Variants in ZNF804B observed in about 807,000 individuals in gnomAD.
ZNF804B encodes the protein zinc finger protein 804B.
A neutral mutation model predicts 101.4 loss-of-function variants in ZNF804B; 80 were observed. The observed-to-expected ratio is 0.79, with a 90% CI of 0.66 to 0.95. ZNF804B has a LOEUF of 0.95. Among genes scored for constraint, ZNF804B ranks in the 40% least tolerant of loss-of-function variants. The pLI is 0.00. For synonymous variants in ZNF804B, 622 were observed against 558.8 expected, an observed-to-expected ratio of 1.11 and a Z score of -1.59; for missense variants, 1,673 against 1,561.9, an observed-to-expected ratio of 1.07 and a Z score of -1.20.
At chr7:88,998,867 G>T (rs1788241032) in intron 1 of ZNF804B, among the ~76,000 whole-genome samples, 1 of 151,976 alleles carries the variant, frequency 6.6e-6, no homozygotes, top group Admixed American at 6.6e-5. Context: ...CATTAACTCT[G>T]CCAGCTGAAA....
In ZNF804B at chr7:89,331,527, G is replaced by C. The variant is rs1360780757; in HGVS notation, c.381-1836G>C. On this transcript the variant is annotated intron_variant, in intron 3 of 3. Transcript: ENST00000333190. Reference sequence around the variant, plus strand: ...GAGTTACTGTAAGGAAGATAATACAGCTTTTAAAAACGTCTAAATTTAGTT... The same window carrying C: ...GAGTTACTGTAAGGAAGATAATACACCTTTTAAAAACGTCTAAATTTAGTT... 2.0e-5 allele frequency among the ~76,000 whole-genome samples: 3 copies of C among 151,652 alleles called. No individual in the cohort carries two copies. The East Asian group carries it at 5.8e-4, about 29-fold the overall frequency.
intron 2 of ZNF804B, among the ~76,000 whole-genome samples, chr7:89,309,337 A>G (rs1380220237): frequency 1.3e-5 from 2 of 152,156 alleles, no homozygotes; most frequent in Non-Finnish European, 2.9e-5. Context: ...ATTCATTTTT[A>G]TGGCTGTGTA....
At chr7:89,136,517 C>T (rs571002690) in intron 1 of ZNF804B, among the ~76,000 whole-genome samples, 8 of 152,092 alleles carry the variant, frequency 5.3e-5, no homozygotes, top group Admixed American at 5.2e-4. Flanking sequence ...TACAATAATT[C>T]CCCTGCCACC....
chr7:88,839,860 CTATACA>C (rs1211037883), intron 1 of ZNF804B, among the ~76,000 whole-genome samples: 1 of 151,920 alleles, frequency 6.6e-6, no homozygotes, highest in Non-Finnish European at 1.5e-5. Context: ...ATCAAATAAT[CTATACA>C]TAGCACGTGG....
At chr7:89,072,331 C>G (rs1428493180) in intron 1 of ZNF804B, among the ~76,000 whole-genome samples, 1 of 152,170 alleles carries the variant, frequency 6.6e-6, no homozygotes, top group Non-Finnish European at 1.5e-5. Context: ...GGAATCAAGA[C>G]TAGTTGAAAT....
chr7:89,185,795 G>A (rs1788366849), intron 1 of ZNF804B, among the ~76,000 whole-genome samples: 1 of 151,918 alleles, frequency 6.6e-6, no homozygotes, highest in South Asian at 2.1e-4. Context: ...TGGAGACGGA[G>A]GTTGCAGTGA....
At chr7:89,107,340 G>T (rs1790149841) in intron 1 of ZNF804B, among the ~76,000 whole-genome samples, 1 of 152,026 alleles carries the variant, frequency 6.6e-6, no homozygotes, top group South Asian at 2.1e-4. Flanking sequence ...TGTAATCACT[G>T]CTGCTAGATA....
chr7:89,013,369 T>C (rs543819978), intron 1 of ZNF804B, among the ~76,000 whole-genome samples: 2 of 152,334 alleles, frequency 1.3e-5, no homozygotes, highest in Admixed American at 6.5e-5. Context: ...AAATGAGATA[T>C]TGAATCTACC....
chr7:89,157,955 A>G (rs2116415879), intron 1 of ZNF804B, among the ~76,000 whole-genome samples: 1 of 152,312 alleles, frequency 6.6e-6, no homozygotes, highest in African/African-American at 2.4e-5. Context: ...TACTTGGTTT[A>G]ATGACTCACA....
intron 1 of ZNF804B, among the ~76,000 whole-genome samples, chr7:88,998,694 G>T (rs1326886422): frequency 6.6e-6 from 1 of 152,034 alleles, no homozygotes; most frequent in East Asian, 1.9e-4. Flanking sequence ...AGAAATTGAT[G>T]GTAATGTCAC....
intron 2 of ZNF804B, among the ~76,000 whole-genome samples, chr7:89,298,140 TA>T (rs1562940078): frequency 2.9e-5 from 4 of 136,238 alleles, no homozygotes; most frequent in South Asian, 2.2e-4. Context: ...TATATATATA[TA>T]TCATATATAT....
intron 1 of ZNF804B, among the ~76,000 whole-genome samples, chr7:89,161,183 C>T (rs1415075450): frequency 6.6e-6 from 1 of 152,040 alleles, no homozygotes; most frequent in Non-Finnish European, 1.5e-5. Context: ...TGTGAAAGCA[C>T]ACTGGGCAAG....
chr7:89,158,483 C>T (rs1287131473), intron 1 of ZNF804B, among the ~76,000 whole-genome samples: 1 of 152,112 alleles, frequency 6.6e-6, no homozygotes. Context: ...TCAATTCCTG[C>T]TCCCACCTTC....
At chr7:88,930,540 T>A (rs535602515) in intron 1 of ZNF804B, among the ~76,000 whole-genome samples, 1 of 152,084 alleles carries the variant, frequency 6.6e-6, no homozygotes, top group South Asian at 2.1e-4. Flanking sequence ...AAAAACTGCT[T>A]CAAATTATGT....
intron 1 of ZNF804B, among the ~76,000 whole-genome samples, chr7:88,909,807 G>A (rs1001236732): frequency 1.3e-5 from 2 of 150,990 alleles, no homozygotes; most frequent in African/African-American, 4.9e-5. Context: ...TGTCTTGATT[G>A]CTATTTACTT....
intron 1 of ZNF804B, among the ~76,000 whole-genome samples, chr7:88,862,406 A>G (rs1262017490): frequency 6.6e-6 from 1 of 152,192 alleles, no homozygotes; most frequent in Non-Finnish European, 1.5e-5. Flanking sequence ...ATGTCAAGGT[A>G]CATGACCAGC....
At chr7:89,061,770 A>G (rs549315106) in intron 1 of ZNF804B, among the ~76,000 whole-genome samples, 2 of 152,248 alleles carry the variant, frequency 1.3e-5, no homozygotes, top group East Asian at 1.9e-4. Context: ...GATCACATTT[A>G]TCATTATTAA....
At chr7:89,035,336 T>C (rs1182165763) in intron 1 of ZNF804B, among the ~76,000 whole-genome samples, 1 of 152,104 alleles carries the variant, frequency 6.6e-6, no homozygotes, top group Non-Finnish European at 1.5e-5. Flanking sequence ...AATAGTTTAA[T>C]TTCATTTTAC....
At chr7:88,857,597 G>T (rs1284395902) in intron 1 of ZNF804B, among the ~76,000 whole-genome samples, 1 of 151,964 alleles carries the variant, frequency 6.6e-6, no homozygotes, top group Non-Finnish European at 1.5e-5. Flanking sequence ...CCAATAACAG[G>T]CTCTGAAATT....
Sources: allele counts gnomAD v4.1 joint callset (sites outside exome capture counted in the v4.1 genomes callset), GRCh38; gene constraint gnomAD v4.1.1; transcripts MANE v1.5; gene names NCBI Gene and HGNC (gene_info 2026-07-23, HGNC 2026-07-21).